Variants in MID1 observed in about 807,000 individuals in gnomAD.
MID1 encodes midline 1, also known as E3 ubiquitin-protein ligase Midline-1.
In MID1, 7 loss-of-function variants were observed where a neutral mutation model predicts 40.4. The observed-to-expected ratio is 0.17, with a 90% CI of 0.10 to 0.33. The LOEUF (loss-of-function observed/expected upper bound fraction) is 0.33. Among genes scored for constraint, MID1 ranks in the 10% least tolerant of loss-of-function variants. The pLI is 1.00. For synonymous variants in MID1, 229 were observed against 221.2 expected, an observed-to-expected ratio of 1.04 and a Z score of -0.31; for missense variants, 367 against 558.5, an observed-to-expected ratio of 0.66 and a Z score of 3.46.
chrX:10,524,316 TCTTTTGG>T (rs1932787961), intron 2 of MID1, among the ~76,000 whole-genome samples: 1 of 111,721 alleles, frequency 9.0e-6, no homozygotes, highest in South Asian at 3.8e-4. Flanking sequence ...GGGTGTCCAA[TCTTTTGG>T]CTTCCCTGGG....
intron 1 of MID1, among the ~76,000 whole-genome samples, chrX:10,596,238 G>A (rs1602453352): frequency 9.0e-6 from 1 of 111,003 alleles, no homozygotes; most frequent in Admixed American, 9.6e-5. Context: ...ATTGGCAAGG[G>A]GGTGCTTTAA....
At chrX:10,622,146 G>C (rs1935941832), upstream of MID1, among the ~76,000 whole-genome samples, 1 of 109,584 alleles carries the variant, frequency 9.1e-6, no homozygotes. Context: ...TTGCTGAGGA[G>C]CCTGAGAATC....
intron 1 of MID1, among the ~76,000 whole-genome samples, chrX:10,710,289 C>T (rs2043257999): frequency 9.0e-6 from 1 of 111,287 alleles, no homozygotes. Context: ...AAGGATGCCA[C>T]AATCCAACAT....
intron 1 of MID1, among the ~76,000 whole-genome samples, chrX:10,689,092 G>T (rs1290628654): frequency 2.7e-5 from 3 of 110,211 alleles, no homozygotes; most frequent in Non-Finnish European, 5.7e-5. Flanking sequence ...ACTGAATTCT[G>T]ATTAGATTAT....
chrX:10,806,083 C>G (rs1160909360), intron 1 of MID1, among the ~76,000 whole-genome samples: 4 of 106,405 alleles, frequency 3.8e-5, no homozygotes, highest in African/African-American at 6.9e-5. Context: ...TTAATTAGAT[C>G]CCATTTGTCA....
intron 1 of MID1, among the ~76,000 whole-genome samples, chrX:10,598,762 C>G (rs1406789189): frequency 9.0e-6 from 1 of 111,683 alleles, no homozygotes; most frequent in African/African-American, 3.3e-5. Context: ...GCGAGCTTGG[C>G]AGCAAATTCT....
intron 2 of MID1, among the ~76,000 whole-genome samples, chrX:10,563,274 T>G (rs917104450): frequency 8.9e-6 from 1 of 111,754 alleles, no homozygotes; most frequent in Admixed American, 9.5e-5. Flanking sequence ...AGAATAAGAA[T>G]AGCAAAACAA....
chrX:10,623,338 G>A (rs190266993), upstream of MID1, among the ~76,000 whole-genome samples: 949 of 106,710 alleles, frequency 8.9e-3, 20 homozygotes, highest in African/African-American at 0.031. Flanking sequence ...AGGAAGGAAG[G>A]GAAAAAGAAA....
At chrX:10,621,568 A>G (rs1358088900), upstream of MID1, among the ~76,000 whole-genome samples, 6 of 111,545 alleles carry the variant, frequency 5.4e-5, no homozygotes, top group Non-Finnish European at 1.1e-4. Context: ...CGATAATTCA[A>G]TAAAGATTTT....
chrX:10,776,258 A>G (rs1220105324), intron 1 of MID1, among the ~76,000 whole-genome samples: 1 of 111,896 alleles, frequency 8.9e-6, no homozygotes, highest in African/African-American at 3.2e-5. Flanking sequence ...AAATTTTAAA[A>G]CATTAAGTGG....
chrX:10,546,395 A>T (rs1338428139), intron 2 of MID1, among the ~76,000 whole-genome samples: 1 of 112,396 alleles, frequency 8.9e-6, no homozygotes, highest in Admixed American at 9.4e-5. Context: ...TTTATAAATC[A>T]TCGTTCAATA....
At chrX:10,544,684 G>T (rs752197263) in intron 2 of MID1, among the ~76,000 whole-genome samples, 1 of 111,809 alleles carries the variant, frequency 8.9e-6, no homozygotes, top group Non-Finnish European at 1.9e-5. Flanking sequence ...AATATATACA[G>T]TATTCCATGT....
intron 2 of MID1, among the ~76,000 whole-genome samples, chrX:10,548,066 TA>T (rs1482783324): frequency 6.3e-5 from 7 of 111,975 alleles, no homozygotes; most frequent in African/African-American, 2.3e-4. Flanking sequence ...AGAGAAAAAA[TA>T]GCATGACTTA....
intron 1 of MID1, among the ~76,000 whole-genome samples, chrX:10,619,211 T>A (rs1264628780): frequency 5.4e-5 from 6 of 111,987 alleles, no homozygotes; most frequent in Admixed American, 9.4e-5. Flanking sequence ...GGACAGAAAG[T>A]TCGAAACCCC....
chrX:10,619,997 G>A (rs752790765), intron 1 of MID1, among the ~76,000 whole-genome samples: 3 of 112,041 alleles, frequency 2.7e-5, no homozygotes, highest in South Asian at 7.5e-4. Flanking sequence ...GCCGCAAACT[G>A]GAATTGATTT....
chrX:10,758,460 G>C (rs1197052568), intron 1 of MID1, among the ~76,000 whole-genome samples: 2 of 90,526 alleles, frequency 2.2e-5, no homozygotes, highest in Admixed American at 2.3e-4. Flanking sequence ...TCTTTAAACA[G>C]TACTTTTTCT....
chrX:10,460,071 T>C (rs1252841096), intron 7 of MID1: 1 of 396,649 alleles, frequency 2.5e-6, no homozygotes, highest in East Asian at 4.4e-5. Flanking sequence ...TATTTCCCTG[T>C]CATGTGGCTT....
chrX:10,819,571 G>C (rs1455231036), intron 1 of MID1, among the ~76,000 whole-genome samples: 1 of 111,522 alleles, frequency 9.0e-6, no homozygotes, highest in Non-Finnish European at 1.9e-5. Context: ...TCAGGACCCA[G>C]AGAGAGCAAG....
At chrX:10,731,761 C>T (rs920641197) in intron 1 of MID1, among the ~76,000 whole-genome samples, 1 of 109,760 alleles carries the variant, frequency 9.1e-6, no homozygotes, top group South Asian at 4.0e-4. Context: ...GAGTTCACAA[C>T]CAGCCTGGCC....
Sources: gnomAD v4.1 joint callset for allele counts (sites outside exome capture counted in the v4.1 genomes callset) on GRCh38, gnomAD v4.1.1 for gene constraint, MANE v1.5 for transcripts, NCBI Gene and HGNC (gene_info 2026-07-23, HGNC 2026-07-21) for gene names.